The following DNAAF4 variants were observed in gnomAD, a reference collection of about 807,000 sequenced individuals.
DNAAF4 encodes dynein assembly factor 4, axonemal.
DNAAF4 carries 43 observed loss-of-function variants against 51.8 expected under a neutral mutation model. The ratio of observed to expected loss-of-function variants is 0.83; its 90% CI spans 0.65 to 1.07. DNAAF4 has a LOEUF of 1.07. Among genes scored for constraint, DNAAF4 ranks in the 50% least tolerant of loss-of-function variants. The pLI is 0.00. For synonymous variants in DNAAF4, 194 were observed against 165.6 expected (o/e 1.17, Z -1.32); for missense variants, 581 against 493.0 (o/e 1.18, Z -1.69).
intron 6 of DNAAF4, among the ~76,000 whole-genome samples, chr15:55,448,899 A>G (rs906515102): frequency 4.6e-5 from 7 of 151,542 alleles, no homozygotes; most frequent in African/African-American, 1.7e-4. Flanking sequence ...TATTATTATT[A>G]TAACTGTATA....
chr15:55,451,366 T>C (rs1357785453), intron 5 of DNAAF4, among the ~76,000 whole-genome samples: 1 of 152,172 alleles, frequency 6.6e-6, no homozygotes, highest in Non-Finnish European at 1.5e-5. Flanking sequence ...TGAACCTACC[T>C]AATACAAGAT....
downstream of DNAAF4, among the ~76,000 whole-genome samples, chr15:55,428,484 C>CTTTTTTT (rs747325376): frequency 3.4e-3 from 287 of 85,096 alleles, no homozygotes; most frequent in Non-Finnish European, 4.7e-3. Flanking sequence ...TCTTTTTTTT[C>CTTTTTTT]TTTTTTTTTT....
chr15:55,501,101 C>G (rs112574117), intron 1 of DNAAF4, among the ~76,000 whole-genome samples: 41,453 of 150,736 alleles, frequency 0.28, 9,173 homozygotes, highest in African/African-American at 0.62. Context: ...GTCTCACTCT[C>G]TCACCAGGCT....
chr15:55,507,186 C>A (rs2058731579), intron 1 of DNAAF4, among the ~76,000 whole-genome samples: 1 of 152,132 alleles, frequency 6.6e-6, no homozygotes, highest in African/African-American at 2.4e-5. Context: ...ACTGAATCCA[C>A]TAGATAAGGA....
intron 1 of DNAAF4, among the ~76,000 whole-genome samples, chr15:55,502,724 GT>G (rs1239663278): frequency 6.6e-6 from 1 of 152,110 alleles, no homozygotes; most frequent in Non-Finnish European, 1.5e-5. Flanking sequence ...TTTGAAACCA[GT>G]AAGAACAAAG....
At chr15:55,418,253 G>C (rs2057354637) in intron 7 of DNAAF4, 2 of 1,558,554 alleles carry the variant, frequency 1.3e-6, no homozygotes, top group Middle Eastern at 3.4e-4. Flanking sequence ...TTCAAATTCA[G>C]ACACAGAAAT....
intron 4 of DNAAF4, among the ~76,000 whole-genome samples, chr15:55,472,322 A>G (rs1595930633): frequency 6.6e-6 from 1 of 152,170 alleles, no homozygotes; most frequent in African/African-American, 2.4e-5. Context: ...ATCATCGTAC[A>G]TAAAGGACTG....
intron 4 of DNAAF4, among the ~76,000 whole-genome samples, chr15:55,483,685 T>G (rs1194721502): frequency 6.6e-6 from 1 of 151,650 alleles, no homozygotes; most frequent in Non-Finnish European, 1.5e-5. Context: ...GGATTACAAG[T>G]GCACACCACC....
chr15:55,479,535 T>C (rs1415916124), intron 4 of DNAAF4, among the ~76,000 whole-genome samples: 1 of 151,926 alleles, frequency 6.6e-6, no homozygotes, highest in East Asian at 1.9e-4. Flanking sequence ...AACGGAATAA[T>C]AGCAATTTTT....
rs760588937 is a variant in DNAAF4, at chr15:55,460,179, A to ATTTT, written c.637+6750_637+6751insAAAA. On this transcript the variant is annotated intron_variant, in intron 5 of 9. Transcript: ENST00000321149. ...AATTTATTTATTTATTTATTTACTTATTTATTTATTTTTTTTTTTGAGACA... is the reference window on the plus strand; with the variant it reads ...AATTTATTTATTTATTTATTTACTTATTTTTTTATTTATTTTTTTTTTTGAGACA... Among the ~76,000 whole-genome samples, 4 of 123,788 alleles carry ATTTT rather than the reference A, an allele frequency of 3.2e-5. 1 individual carries two copies. The highest frequency in any genetic ancestry group is 2.3e-4 in the East Asian group (1 of 4,382). The allele number at this position is 123,788 out of a possible 152,430, so 81.2% of individuals were successfully genotyped here.
intron 8 of DNAAF4, 142 bp downstream of exon 8, chr15:55,434,763 A>T (rs543305059): frequency 1.2e-6 from 1 of 817,122 alleles, no homozygotes; most frequent in South Asian, 3.0e-5. Flanking sequence ...ATCAGTTAAA[A>T]AAAAAAAGAT....
chr15:55,494,954 G>A lies in DNAAF4; in HGVS notation c.271+2758C>T, dbSNP rs1238358274. Among the ~76,000 whole-genome samples, 14 of 152,206 alleles carry A rather than the reference G, an allele frequency of 9.2e-5. No individual in the cohort carries two copies. The East Asian group carries it at 2.1e-3, about 23-fold the overall frequency. On this transcript the variant is annotated intron_variant, in intron 3 of 9. Coordinates refer to ENST00000321149, the MANE Select transcript of DNAAF4 (RefSeq NM_130810.4). Reference sequence around the variant, plus strand: ...TGGCTACTTTTGTGCTACAATGGCAGAGCTGAATAGATATGACAGAGACCA... The same window carrying A: ...TGGCTACTTTTGTGCTACAATGGCAAAGCTGAATAGATATGACAGAGACCA...
At chr15:55,421,171 C>A (rs1267699098) in intron 7 of DNAAF4, among the ~76,000 whole-genome samples, 2 of 131,304 alleles carry the variant, frequency 1.5e-5, no homozygotes, top group African/African-American at 6.0e-5. Flanking sequence ...GCCTGGGCAA[C>A]AGAGTGAGAC....
At chr15:55,419,855 A>G (rs2057373222) in intron 7 of DNAAF4, among the ~76,000 whole-genome samples, 2 of 152,106 alleles carry the variant, frequency 1.3e-5, no homozygotes, top group Non-Finnish European at 2.9e-5. Context: ...CAAAAAAATT[A>G]GCTGGGCATG....
At chr15:55,437,619 A>G (rs2057635909) in intron 7 of DNAAF4, among the ~76,000 whole-genome samples, 1 of 152,136 alleles carries the variant, frequency 6.6e-6, no homozygotes, top group South Asian at 2.1e-4. Flanking sequence ...TGGAGAGAGT[A>G]CCCTGGATGA....
chr15:55,457,961 C>T (rs1300997133), intron 5 of DNAAF4, among the ~76,000 whole-genome samples: 3 of 152,164 alleles, frequency 2.0e-5, no homozygotes, highest in African/African-American at 7.2e-5. Flanking sequence ...GTCTGGCTCT[C>T]AGGAAGCCCC....
intron 4 of DNAAF4, among the ~76,000 whole-genome samples, chr15:55,473,201 ATATATATATAT>A (rs2058283052): frequency 1.1e-5 from 1 of 88,232 alleles, no homozygotes; most frequent in Non-Finnish European, 2.2e-5. Context: ...AAAAAAAAAT[ATATATATATAT>A]ATATATATAT....
At position 55,430,699 on chromosome 15, in the gene DNAAF4, C is replaced by T; in HGVS notation, c.1234G>A (p.Val412Ile). ...GATTTTAGTTCTGTTCCTTGAATTA[C>T]ATTCCGAATCTTCTCAGCATCAATT... ...VQIDAEKIRNVIQGTELKS is the reference protein window; with the variant it reads ...VQIDAEKIRNIIQGTELKS Residue 412 changes from valine to isoleucine, a missense_variant, in exon 10 of 10, where the codon GTA becomes ATA. Transcript: ENST00000321149. The T allele has an allele frequency of 6.2e-7, 1 of 1,613,108 alleles. No homozygotes were observed. Among genetic ancestry groups the T allele is most frequent in the South Asian group, 1.1e-5 (1 of 91,006 alleles).
chr15:55,487,052 G>T (rs1234442946), intron 4 of DNAAF4, among the ~76,000 whole-genome samples: 3 of 152,156 alleles, frequency 2.0e-5, no homozygotes, highest in Non-Finnish European at 4.4e-5. Context: ...TCCCTTAAGA[G>T]AGTTCTCTAT....
Sources: gnomAD v4.1 joint callset for allele counts (sites outside exome capture counted in the v4.1 genomes callset) on GRCh38, gnomAD v4.1.1 for gene constraint, MANE v1.5 for transcripts, NCBI Gene and HGNC (gene_info 2026-07-23, HGNC 2026-07-21) for gene names.